The following NAA35 variants were observed in gnomAD, a reference collection of about 807,000 sequenced individuals.
NAA35 encodes N-alpha-acetyltransferase 35, NatC auxiliary subunit.
A neutral mutation model predicts 101.7 loss-of-function variants in NAA35; 18 were observed. The ratio of observed to expected loss-of-function variants is 0.18; its 90% CI spans 0.12 to 0.26. The LOEUF (loss-of-function observed/expected upper bound fraction) is 0.26, where lower values mean the gene tolerates loss of function less well. Among genes scored for constraint, NAA35 ranks in the 10% least tolerant of loss-of-function variants. The pLI, the probability that NAA35 is intolerant of heterozygous loss-of-function variation, is 1.00. For missense variants in NAA35, 601 were observed against 886.8 expected (o/e 0.68, Z 4.09); for synonymous variants, 267 against 273.1 (o/e 0.98, Z 0.22).
rs1832647936 is a variant in NAA35, at chr9:86,023,307, A to G, written c.*1347A>G. Among the ~76,000 whole-genome samples the G allele has an allele frequency of 6.6e-6, 1 of 152,226 alleles. No individual in the cohort carries two copies. Among genetic ancestry groups the G allele is most frequent in the African/African-American group, 2.4e-5 (1 of 41,458 alleles). ...TCAATTATGGAGAGACAAAGAGTATACCTGTTACTGATGTAGTTACTTTGT... is the reference window on the plus strand; with the variant it reads ...TCAATTATGGAGAGACAAAGAGTATGCCTGTTACTGATGTAGTTACTTTGT... On this transcript the variant is annotated 3_prime_UTR_variant, in exon 23 of 23. Coordinates refer to ENST00000361671, the MANE Select transcript of NAA35 (RefSeq NM_024635.4).
chr9:85,958,707 C>G (rs1829380891), intron 4 of NAA35, 121 bp downstream of exon 4: 2 of 551,376 alleles, frequency 3.6e-6, no homozygotes, highest in Non-Finnish European at 6.1e-6. Context: ...GCAGCTCAAG[C>G]ATATAAACAA....
At position 86,020,659 on chromosome 9, in the gene NAA35, CA is replaced by C. The variant is rs202061145; in HGVS notation, c.2038-229del. 8.8e-4 allele frequency among the ~76,000 whole-genome samples: 134 copies of C among 152,116 alleles called. No individual in the cohort carries two copies. The East Asian group carries it at 0.023, about 26-fold the overall frequency. ...ACGAGTTCAAGACCAGCCTGGGCAA[CA>C]CAGTGAGATCTTGTCTCTATAAAAA... On this transcript the variant is annotated intron_variant, in intron 21 of 22. Coordinates refer to ENST00000361671, the MANE Select transcript of NAA35 (RefSeq NM_024635.4).
At chr9:85,949,928 A>T (rs1281068656) in intron 2 of NAA35, among the ~76,000 whole-genome samples, 5 of 152,106 alleles carry the variant, frequency 3.3e-5, no homozygotes, top group Admixed American at 3.3e-4. Flanking sequence ...GTTTGGTGGT[A>T]ATACTAAAAA....
At chr9:85,974,088 C>G (rs1028502757) in intron 6 of NAA35, among the ~76,000 whole-genome samples, 2 of 152,076 alleles carry the variant, frequency 1.3e-5, no homozygotes, top group African/African-American at 4.8e-5. Flanking sequence ...TCCCAAATAG[C>G]TGGGATTACA....
At chr9:86,005,041 G>A (rs1831571102) in intron 13 of NAA35, among the ~76,000 whole-genome samples, 1 of 152,024 alleles carries the variant, frequency 6.6e-6, no homozygotes, top group African/African-American at 2.4e-5. Context: ...GAAAACTATA[G>A]ACCATATTTT....
At chr9:85,988,255 C>G (rs572527525) in intron 11 of NAA35, among the ~76,000 whole-genome samples, 13 of 152,070 alleles carry the variant, frequency 8.5e-5, no homozygotes, top group African/African-American at 3.1e-4. Flanking sequence ...ACAAATATTC[C>G]AAGAAAAGAA....
intron 11 of NAA35, among the ~76,000 whole-genome samples, chr9:85,991,311 G>A (rs1382321818): frequency 6.6e-6 from 1 of 152,110 alleles, no homozygotes; most frequent in East Asian, 1.9e-4. Context: ...CATGGAGGTG[G>A]TTGTGTGCAG....
At chr9:85,973,075 A>C (rs946921929) in intron 6 of NAA35, among the ~76,000 whole-genome samples, 12 of 152,242 alleles carry the variant, frequency 7.9e-5, no homozygotes, top group Admixed American at 7.2e-4. Context: ...CTGGAATATA[A>C]GGGATGAAAC....
intron 12 of NAA35, among the ~76,000 whole-genome samples, chr9:85,997,729 C>T (rs1373809787): frequency 6.6e-6 from 1 of 152,234 alleles, no homozygotes. Flanking sequence ...AGCAATCCTT[C>T]CATCTTGGCC....
chr9:85,958,455 A>C lies in NAA35; in HGVS notation c.159-17A>C. The C allele has an allele frequency of 6.4e-7, 1 of 1,552,354 alleles. No homozygotes were observed. Among genetic ancestry groups the C allele is most frequent in the Non-Finnish European group, 8.8e-7 (1 of 1,132,908 alleles). ...TGGCTCAAAAACAATTTGTTGGCTC[A>C]ATTTTTTTATTTGCAGATTTGGTCT... is the stretch of plus-strand genomic sequence containing the variant. On this transcript the variant is annotated splice_polypyrimidine_tract_variant and intron_variant, in intron 3 of 22. Transcript: ENST00000361671.
intron 11 of NAA35, among the ~76,000 whole-genome samples, chr9:85,986,284 T>C (rs905388683): frequency 6.6e-6 from 1 of 152,224 alleles, no homozygotes; most frequent in Non-Finnish European, 1.5e-5. Flanking sequence ...TAAATCATAG[T>C]GGTGCTAATG....
At chr9:85,958,429 C>T (rs888393090) in intron 3 of NAA35, 43 bp from the exon 4 acceptor site, 15 of 1,244,834 alleles carry the variant, frequency 1.2e-5, no homozygotes, top group Non-Finnish European at 1.6e-5. Flanking sequence ...AATAAGCTTA[C>T]TGGCTCAAAA....
rs970004015 is a variant in NAA35 at position 86,023,702 on chromosome 9, C to T, written c.*1742C>T. Among the ~76,000 whole-genome samples the T allele has an allele frequency of 5.9e-5, 9 of 152,184 alleles. No individual in the cohort carries two copies. In the East Asian group the frequency reaches 9.6e-4, roughly 16 times the overall value. ...GTCTGATTGGGTCTGCTGGTATAGA[C>T]GAGCATCTAGGTTATTTTGAAGTAG... On this transcript the variant is annotated 3_prime_UTR_variant, in exon 23 of 23. Transcript: ENST00000361671.
chr9:86,002,295 G>A (rs1295121769), intron 12 of NAA35, among the ~76,000 whole-genome samples: 1 of 151,992 alleles, frequency 6.6e-6, no homozygotes, highest in South Asian at 2.1e-4. Flanking sequence ...TTTAACATTT[G>A]TTTCATTTCG....
At chr9:85,986,548 C>CT (rs961902472) in intron 11 of NAA35, 60 of 419,940 alleles carry the variant, frequency 1.4e-4, no homozygotes, top group Non-Finnish European at 2.3e-4. Flanking sequence ...AAGGAGTACT[C>CT]TAAGCTTGTT....
At chr9:85,955,846 G>C (rs966789632) in intron 2 of NAA35, among the ~76,000 whole-genome samples, 1 of 152,122 alleles carries the variant, frequency 6.6e-6, no homozygotes, top group Non-Finnish European at 1.5e-5. Context: ...ATGCAGCCAA[G>C]GTTGAGGACC....
chr9:85,962,317 A>G (rs1333116132), intron 6 of NAA35, 137 bp downstream of exon 6: 1 of 645,646 alleles, frequency 1.5e-6, no homozygotes, highest in Non-Finnish European at 2.5e-6. Context: ...ATGGTGAAAC[A>G]CTGTCTCTAC....
In NAA35 at chr9:86,022,158, C is replaced by T; in HGVS notation, c.*198C>T. 2.1e-6 allele frequency: 1 copy of T among 469,198 alleles called. No individual in the cohort carries two copies. Among genetic ancestry groups the T allele is most frequent in the East Asian group, 3.5e-5 (1 of 28,298 alleles). 29.1% of individuals were successfully genotyped at this position (469,198 alleles called of 1,614,324 possible). A position where few individuals can be genotyped will look rare whatever the true frequency, so the allele number is the denominator to read the frequency against. ...TGTTTTAAAGTGGTTTATTATGTTC[C>T]ATGGAAGAAACTGGTCTTATTGAAT... On this transcript the variant is annotated 3_prime_UTR_variant, in exon 23 of 23. Coordinates refer to ENST00000361671, the MANE Select transcript of NAA35 (RefSeq NM_024635.4).
At chr9:85,985,833 C>A (rs921858082) in intron 11 of NAA35, among the ~76,000 whole-genome samples, 2 of 152,132 alleles carry the variant, frequency 1.3e-5, no homozygotes, top group African/African-American at 4.8e-5. Flanking sequence ...ATGTTGAATT[C>A]TAGACACAAA....
Sources: allele counts gnomAD v4.1 joint callset (sites outside exome capture counted in the v4.1 genomes callset), GRCh38; gene constraint gnomAD v4.1.1; transcripts MANE v1.5; gene names NCBI Gene and HGNC (gene_info 2026-07-23, HGNC 2026-07-21).